NKAIN3: variants seen among roughly 807,000 people sequenced by gnomAD.
NKAIN3 encodes the protein sodium/potassium transporting ATPase interacting 3.
NKAIN3 carries 25 observed loss-of-function variants against 30.2 expected under a neutral mutation model. The observed-to-expected ratio is 0.83, with a 90% CI of 0.60 to 1.16. The LOEUF (loss-of-function observed/expected upper bound fraction) is 1.16. NKAIN3 is among the 50% of genes most tolerant of loss of function. The pLI is 0.00. For missense variants in NKAIN3, 225 were observed against 254.1 expected, an observed-to-expected ratio of 0.89 and a Z score of 0.78; for synonymous variants, 91 against 89.6, an observed-to-expected ratio of 1.02 and a Z score of -0.09.
chr8:62,635,958 C>T (rs1021623172), intron 3 of NKAIN3, among the ~76,000 whole-genome samples: 1 of 152,122 alleles, frequency 6.6e-6, no homozygotes, highest in African/African-American at 2.4e-5. Flanking sequence ...TGAGTGGTGA[C>T]TTTGCCCTGT....
chr8:62,519,978 T>C (rs980883800), intron 1 of NKAIN3, among the ~76,000 whole-genome samples: 1 of 152,188 alleles, frequency 6.6e-6, no homozygotes, highest in Non-Finnish European at 1.5e-5. Context: ...TTTTTCAGTA[T>C]TTTCCTTTTT....
intron 3 of NKAIN3, among the ~76,000 whole-genome samples, chr8:62,662,586 G>A (rs1488090615): frequency 6.6e-6 from 1 of 152,136 alleles, no homozygotes; most frequent in Non-Finnish European, 1.5e-5. Context: ...CTTCCAACAA[G>A]TAGTTATTGA....
At chr8:62,794,811 G>GT (rs1308511500) in intron 4 of NKAIN3, among the ~76,000 whole-genome samples, 1 of 152,190 alleles carries the variant, frequency 6.6e-6, no homozygotes, top group African/African-American at 2.4e-5. Flanking sequence ...CACACGGACT[G>GT]TGAGTGCAGA....
At chr8:62,906,207 A>T (rs578191602) in intron 4 of NKAIN3, among the ~76,000 whole-genome samples, 3 of 152,354 alleles carry the variant, frequency 2.0e-5, no homozygotes, top group Admixed American at 2.0e-4. Flanking sequence ...GCACCCATGG[A>T]ACAGTAATAG....
intron 4 of NKAIN3, among the ~76,000 whole-genome samples, chr8:62,800,629 G>A (rs915013476): frequency 3.9e-5 from 6 of 152,072 alleles, no homozygotes; most frequent in African/African-American, 1.4e-4. Flanking sequence ...AACAATATCA[G>A]TGGCAGCCAA....
intron 1 of NKAIN3, among the ~76,000 whole-genome samples, chr8:62,528,123 G>T (rs1808365679): frequency 6.6e-6 from 1 of 150,552 alleles, no homozygotes; most frequent in Non-Finnish European, 1.5e-5. Flanking sequence ...CGGTGATGAG[G>T]CTGTGTCAGC....
At chr8:62,466,233 T>C (rs1806158754) in intron 1 of NKAIN3, among the ~76,000 whole-genome samples, 1 of 152,076 alleles carries the variant, frequency 6.6e-6, no homozygotes, top group Admixed American at 6.6e-5. Context: ...GCAAGTCAAT[T>C]GTTTTCCTCA....
intron 1 of NKAIN3, among the ~76,000 whole-genome samples, chr8:62,276,665 T>C (rs1812974845): frequency 6.6e-6 from 1 of 152,176 alleles, no homozygotes; most frequent in Non-Finnish European, 1.5e-5. Context: ...TTTATCTATC[T>C]TTTTCAAGAT....
intron 3 of NKAIN3, among the ~76,000 whole-genome samples, chr8:62,709,847 G>A (rs1002846262): frequency 1.7e-4 from 26 of 151,956 alleles, no homozygotes; most frequent in African/African-American, 5.8e-4. Flanking sequence ...TCTTTTTGAT[G>A]TAGGCATTTA....
Position 62,685,638 on chromosome 8 carries a change from C to T in NKAIN3, c.274-61294C>T, listed in dbSNP as rs192848391. The stretch of plus-strand genomic sequence containing the variant: ...TATTTTTGTCTAAGCTTCATTGCTA[C>T]GGATAGTCACAGTGGCATTCAAATA... On this transcript the variant is annotated intron_variant, in intron 3 of 6. Coordinates refer to ENST00000623646, the MANE Select transcript of NKAIN3 (RefSeq NM_001304533.3). Among the ~76,000 whole-genome samples the T allele has an allele frequency of 1.6e-3, 238 of 152,224 alleles. 1 individual carries two copies. The highest frequency in any genetic ancestry group is 6.8e-3 in the Middle Eastern group (2 of 294).
chr8:62,893,962 T>C (rs1821361591), intron 4 of NKAIN3, among the ~76,000 whole-genome samples: 1 of 152,196 alleles, frequency 6.6e-6, no homozygotes, highest in Admixed American at 6.5e-5. Context: ...TATAAAGATG[T>C]GTGTCTCCCA....
At chr8:62,728,672 CA>C (rs994356983) in intron 3 of NKAIN3, among the ~76,000 whole-genome samples, 9 of 147,346 alleles carry the variant, frequency 6.1e-5, no homozygotes, top group Non-Finnish European at 1.2e-4. Context: ...TCTCAAAAAA[CA>C]AAAAAACAAA....
At chr8:62,697,727 T>C (rs1302555231) in intron 3 of NKAIN3, among the ~76,000 whole-genome samples, 2 of 152,216 alleles carry the variant, frequency 1.3e-5, no homozygotes, top group South Asian at 2.1e-4. Flanking sequence ...TCTTCATATG[T>C]TTTGTACAAA....
intron 1 of NKAIN3, among the ~76,000 whole-genome samples, chr8:62,497,457 C>A (rs375635554): frequency 1.3e-5 from 2 of 151,342 alleles, no homozygotes; most frequent in East Asian, 3.9e-4. Context: ...AAGCCCATAG[C>A]AGAAGTCTTA....
chr8:62,953,436 G>A (rs528860861), intron 5 of NKAIN3, among the ~76,000 whole-genome samples: 14 of 152,292 alleles, frequency 9.2e-5, no homozygotes, highest in South Asian at 2.1e-4. Flanking sequence ...GGCAGATGCC[G>A]ATTTTTGGGG....
intron 1 of NKAIN3, among the ~76,000 whole-genome samples, chr8:62,500,462 AAAG>A (rs1807399390): frequency 3.5e-5 from 5 of 143,106 alleles, no homozygotes; most frequent in African/African-American, 1.4e-4. Flanking sequence ...AGAAAGAAAG[AAAG>A]AAAGAAAGAA....
At chr8:62,680,166 A>G (rs1177394710) in intron 3 of NKAIN3, among the ~76,000 whole-genome samples, 1 of 152,216 alleles carries the variant, frequency 6.6e-6, no homozygotes, top group Admixed American at 6.5e-5. Context: ...CCGGGCTAAC[A>G]GTCAGCAAGG....
At chr8:62,503,510 C>G (rs67913351) in intron 1 of NKAIN3, among the ~76,000 whole-genome samples, 10,956 of 152,092 alleles carry the variant, frequency 0.072, 495 homozygotes, top group African/African-American at 0.13. Flanking sequence ...CTCAGATTTA[C>G]CAGGGCTGGG....
At chr8:62,843,414 G>A (rs1819587461) in intron 4 of NKAIN3, among the ~76,000 whole-genome samples, 1 of 151,708 alleles carries the variant, frequency 6.6e-6, no homozygotes, top group African/African-American at 2.4e-5. Context: ...TCAACTCACT[G>A]CAACCTCCAC....
Sources: allele counts gnomAD v4.1 joint callset (sites outside exome capture counted in the v4.1 genomes callset), GRCh38; gene constraint gnomAD v4.1.1; transcripts MANE v1.5; gene names NCBI Gene and HGNC (gene_info 2026-07-23, HGNC 2026-07-21).